SLC25A36: variants seen among roughly 807,000 people sequenced by gnomAD.
SLC25A36 encodes solute carrier family 25 member 36, also known as epididymis secretory sperm binding protein.
Under a neutral mutation model 35.3 loss-of-function variants are expected in SLC25A36, and 24 were observed. The observed-to-expected ratio is 0.68, with a 90% confidence interval of 0.49 to 0.96. The LOEUF (loss-of-function observed/expected upper bound fraction) is 0.96. SLC25A36 is among the 40% of genes least tolerant of loss of function. SLC25A36 has a pLI of 0.00. For synonymous variants in SLC25A36, 141 were observed against 132.2 expected (o/e 1.07, Z -0.46); for missense variants, 294 against 381.1 (o/e 0.77, Z 1.90).
intron 3 of SLC25A36, among the ~76,000 whole-genome samples, chr3:140,961,468 A>G (rs1031867912): frequency 7.2e-5 from 11 of 152,000 alleles, no homozygotes; most frequent in African/African-American, 1.9e-4. Flanking sequence ...ACATACCTCA[A>G]CCTTTATCTT....
intron 4 of SLC25A36, chr3:140,966,863 A>C: frequency 2.2e-6 from 1 of 451,188 alleles, no homozygotes; most frequent in African/African-American, 2.0e-5. Context: ...AATAGGATTC[A>C]ATTTGTACAC....
rs930894102 is a variant in SLC25A36 at position 140,978,626 on chromosome 3, G to T, written c.*2173G>T. On this transcript the variant is annotated 3_prime_UTR_variant, in exon 7 of 7. Transcript: ENST00000324194. ...TATTTGTATTTAGCAAGTAAAACTT[G>T]TGTTGACCTTTAGTGCATTATATTC... The T allele has an allele frequency of 2.0e-5, 3 of 152,166 alleles. No individual in the cohort carries two copies. Among genetic ancestry groups the T allele is most frequent in the Non-Finnish European group, 4.4e-5 (3 of 68,020 alleles). 9.4% of individuals were successfully genotyped at this position (152,166 alleles called of 1,614,324 possible).
intron 4 of SLC25A36, 139 bp from the exon 5 acceptor site, chr3:140,970,788 A>G (rs1367287734): frequency 2.2e-6 from 1 of 455,172 alleles, no homozygotes; most frequent in African/African-American, 2.2e-5. Context: ...GTCGTATGTG[A>G]AAAGTGTAAT....
At chr3:140,956,034 G>A (rs968022732) in intron 1 of SLC25A36, among the ~76,000 whole-genome samples, 6 of 152,102 alleles carry the variant, frequency 3.9e-5, no homozygotes, top group Admixed American at 1.3e-4. Context: ...CTGAATATTT[G>A]GGGATTTAAA....
intron 1 of SLC25A36, among the ~76,000 whole-genome samples, chr3:140,945,739 TAA>T (rs59896675): frequency 3.0e-4 from 38 of 127,650 alleles, no homozygotes; most frequent in Admixed American, 3.2e-4. Context: ...TACTTGCAAT[TAA>T]AAAAAAAAAA....
chr3:140,944,043 A>G (rs1464314147), intron 1 of SLC25A36, among the ~76,000 whole-genome samples: 6 of 152,136 alleles, frequency 3.9e-5, no homozygotes, highest in African/African-American at 1.4e-4. Context: ...CAGCCGTATA[A>G]TTTCTCTTCC....
In SLC25A36 at chr3:140,979,875, A is replaced by C. The variant is rs1935145154; in HGVS notation, c.*3422A>C. 2 of 152,312 alleles carry C rather than the reference A, an allele frequency of 1.3e-5. No individual in the cohort carries two copies. Among genetic ancestry groups the C allele is most frequent in the East Asian group, 3.9e-4 (2 of 5,188 alleles). The allele number at this position is 152,312 out of a possible 1,614,324, so 9.4% of individuals were successfully genotyped here. ...AATTATGTGCATTTACTCTGTATTT[A>C]TGTTATCTAGCTGACTTTTACTTGA... On this transcript the variant is annotated 3_prime_UTR_variant, in exon 7 of 7. Coordinates refer to ENST00000324194, the MANE Select transcript of SLC25A36 (RefSeq NM_001104647.3).
rs150219246 is a variant in SLC25A36, at chr3:140,978,960, T to A, written c.*2507T>A. 2.0e-5 allele frequency: 3 copies of A among 152,346 alleles called. No individual in the cohort carries two copies. Among genetic ancestry groups the A allele is most frequent in the Non-Finnish European group, 2.9e-5 (2 of 68,032 alleles). 9.4% of individuals were successfully genotyped at this position (152,346 alleles called of 1,614,324 possible). A position where few individuals can be genotyped will look rare whatever the true frequency, so the allele number is the denominator to read the frequency against. ...TTAACTTGTTTTCATCTGTTTATCA[T>A]GACTTTTTTATTTCTGGTGTAGAGT... On this transcript the variant is annotated 3_prime_UTR_variant, in exon 7 of 7. Coordinates refer to ENST00000324194, the MANE Select transcript of SLC25A36 (RefSeq NM_001104647.3).
chr3:140,973,368 A>G (rs1934955407), intron 5 of SLC25A36: 1 of 160,522 alleles, frequency 6.2e-6, no homozygotes, highest in African/African-American at 2.4e-5. Flanking sequence ...CAGTGTGAGG[A>G]TTTTTGTTTA....
intron 3 of SLC25A36, among the ~76,000 whole-genome samples, chr3:140,960,036 A>G (rs1229891760): frequency 6.6e-6 from 1 of 152,120 alleles, no homozygotes; most frequent in Non-Finnish European, 1.5e-5. Context: ...AAAATAATGA[A>G]TATATTATAT....
At chr3:140,962,498 G>C (rs1441081955) in intron 3 of SLC25A36, among the ~76,000 whole-genome samples, 1 of 152,180 alleles carries the variant, frequency 6.6e-6, no homozygotes, top group Non-Finnish European at 1.5e-5. Context: ...TGATGGGTCT[G>C]ATTTCTTTTG....
At chr3:140,959,815 G>A (rs931759863) in intron 3 of SLC25A36, among the ~76,000 whole-genome samples, 1 of 152,058 alleles carries the variant, frequency 6.6e-6, no homozygotes, top group African/African-American at 2.4e-5. Flanking sequence ...GTAGTAATAT[G>A]AATACAAAGG....
chr3:140,947,442 A>G (rs1243389008), intron 1 of SLC25A36, among the ~76,000 whole-genome samples: 1 of 152,104 alleles, frequency 6.6e-6, no homozygotes, highest in Non-Finnish European at 1.5e-5. Flanking sequence ...TGAAGCTCCC[A>G]ACAAAGGCCT....
chr3:140,947,343 A>C (rs566019246), intron 1 of SLC25A36, among the ~76,000 whole-genome samples: 11 of 152,108 alleles, frequency 7.2e-5, no homozygotes, highest in African/African-American at 2.7e-4. Flanking sequence ...AACCTGCCAC[A>C]TTCCCTCAGC....
chr3:140,949,968 A>G (rs1157335277), intron 1 of SLC25A36, among the ~76,000 whole-genome samples: 2 of 152,048 alleles, frequency 1.3e-5, no homozygotes, highest in Admixed American at 1.3e-4. Context: ...GCCTGCTTCT[A>G]CTCCACCATT....
At chr3:140,972,165 A>G (rs1295311315) in intron 5 of SLC25A36, among the ~76,000 whole-genome samples, 1 of 152,200 alleles carries the variant, frequency 6.6e-6, no homozygotes, top group African/African-American at 2.4e-5. Context: ...ACATTATTCT[A>G]TTGTAAACTA....
At chr3:140,961,666 T>C (rs1934629224) in intron 3 of SLC25A36, among the ~76,000 whole-genome samples, 2 of 151,688 alleles carry the variant, frequency 1.3e-5, no homozygotes. Flanking sequence ...CCATCCTGGC[T>C]AACACAGTGA....
chr3:140,965,219 A>G (rs1355941177), intron 4 of SLC25A36: 3 of 151,860 alleles, frequency 2.0e-5, no homozygotes, highest in Non-Finnish European at 4.4e-5. Context: ...ATGCAGACTC[A>G]TTAAAGTAGG....
chr3:140,957,414 G>A (rs935188211), intron 2 of SLC25A36, among the ~76,000 whole-genome samples: 2 of 152,084 alleles, frequency 1.3e-5, no homozygotes, highest in African/African-American at 2.4e-5. Flanking sequence ...GTTTACATAA[G>A]TACATGAATA....
Sources: allele counts gnomAD v4.1 joint callset (sites outside exome capture counted in the v4.1 genomes callset), GRCh38; gene constraint gnomAD v4.1.1; transcripts MANE v1.5; gene names NCBI Gene and HGNC (gene_info 2026-07-23, HGNC 2026-07-21).